The following HEATR5A variants were observed in gnomAD, a reference collection of about 807,000 sequenced individuals.
HEATR5A encodes the protein HEAT repeat containing 5A.
HEATR5A carries 178 observed loss-of-function variants against 218.8 expected under a neutral mutation model. The observed-to-expected ratio is 0.81, with a 90% confidence interval of 0.72 to 0.92. HEATR5A has a LOEUF of 0.92. Ranked by LOEUF, HEATR5A falls within the 40% of genes least tolerant of loss-of-function variation. The pLI is 0.00. For missense variants in HEATR5A, 2,420 were observed against 2,418.9 expected, an observed-to-expected ratio of 1.00 and a Z score of -0.01; for synonymous variants, 864 against 871.6, an observed-to-expected ratio of 0.99 and a Z score of 0.15.
In HEATR5A at chr14:31,293,748, TAATATC is replaced by T. The variant is rs1191342156; in HGVS notation, c.5833+137_5834-137del. 3 of 1,040,104 alleles carry T rather than the reference TAATATC, an allele frequency of 2.9e-6. No homozygotes were observed. In the African/African-American group the frequency reaches 4.9e-5, roughly 17 times the overall value. The allele number at this position is 1,040,104 out of a possible 1,614,324, so 64.4% of individuals were successfully genotyped here. On this transcript the variant is annotated intron_variant, in intron 35 of 35. Coordinates refer to ENST00000543095, the MANE Select transcript of HEATR5A (RefSeq NM_015473.4). ...CAATCTCTTCTAAATTAATACTAAA[TAATATC>T]AATACTTGGGATTAACATAACACCT...
chr14:31,295,024 G>A (rs1899133336), intron 34 of HEATR5A, among the ~76,000 whole-genome samples: 1 of 152,270 alleles, frequency 6.6e-6, no homozygotes, highest in Admixed American at 6.5e-5. Flanking sequence ...TGAGTTAACT[G>A]TAATGGTATT....
intron 9 of HEATR5A, among the ~76,000 whole-genome samples, chr14:31,384,400 T>G (rs2030120184): frequency 6.6e-6 from 1 of 150,568 alleles, no homozygotes; most frequent in African/African-American, 2.5e-5. Context: ...GCCAAGATTG[T>G]GCCACTGTAC....
At chr14:31,364,124 A>T (rs1328753922) in intron 14 of HEATR5A, 65 bp downstream of exon 14, 4 of 646,138 alleles carry the variant, frequency 6.2e-6, no homozygotes, top group Non-Finnish European at 1.1e-5. Flanking sequence ...ATGAGTGACA[A>T]TAACTATTGT....
chr14:31,330,718 G>A (rs1215462555), intron 22 of HEATR5A, among the ~76,000 whole-genome samples: 2 of 151,596 alleles, frequency 1.3e-5, no homozygotes, highest in African/African-American at 4.8e-5. Flanking sequence ...ATGAACCCAG[G>A]AGGCAGAGCT....
chr14:31,351,866 C>T (rs561094004), intron 16 of HEATR5A, among the ~76,000 whole-genome samples: 1 of 152,082 alleles, frequency 6.6e-6, no homozygotes, highest in Admixed American at 6.5e-5. Flanking sequence ...CCTCCAGCCT[C>T]GGCCTCTGAA....
At chr14:31,324,086 A>T (rs1426937413) in intron 23 of HEATR5A, among the ~76,000 whole-genome samples, 2 of 152,260 alleles carry the variant, frequency 1.3e-5, no homozygotes, top group East Asian at 1.9e-4. Context: ...AAAAATATTT[A>T]AAAAAACAAA....
chr14:31,375,574 G>T (rs994751402), intron 11 of HEATR5A, among the ~76,000 whole-genome samples: 1 of 151,972 alleles, frequency 6.6e-6, no homozygotes, highest in African/African-American at 2.4e-5. Flanking sequence ...GCTAATTTTT[G>T]TATTTTTTGG....
chr14:31,310,517 G>A (rs1595083876), intron 28 of HEATR5A, among the ~76,000 whole-genome samples: 1 of 152,302 alleles, frequency 6.6e-6, no homozygotes, highest in East Asian at 1.9e-4. Context: ...GTGCACGCCT[G>A]TAGTCCTAGC....
intron 33 of HEATR5A, among the ~76,000 whole-genome samples, chr14:31,302,069 T>A (rs1899400940): frequency 6.6e-6 from 1 of 151,888 alleles, no homozygotes; most frequent in Admixed American, 6.6e-5. Context: ...TGACCTCAGG[T>A]GATCCACCTG....
At position 31,293,975 on chromosome 14, in the gene HEATR5A, G is replaced by A. The variant is rs763370608; in HGVS notation, c.5749C>T (p.Pro1917Ser). 7 of 1,606,886 alleles carry A rather than the reference G, an allele frequency of 4.4e-6. No individual in the cohort carries two copies. The highest frequency in any genetic ancestry group is 3.3e-4 in the Middle Eastern group (2 of 6,050). The change falls in exon 35 of 36, where the codon CCT (proline) becomes TCT (serine). Residue 1917 changes from proline to serine, a missense_variant. By Grantham distance (74) the Pro-to-Ser change is moderately conservative (BLOSUM62 -1). Coordinates refer to ENST00000543095, the MANE Select transcript of HEATR5A (RefSeq NM_015473.4). The part of the protein sequence containing the change: ...EKLQEIDKRK[P>S]ENTAELEIFQ... The stretch of plus-strand genomic sequence containing the variant: ...ATCTCAAGCTCAGCAGTGTTTTCAG[G>A]TTTTCTCTTGTCTATTTCCTGCAGT...
intron 2 of HEATR5A, among the ~76,000 whole-genome samples, chr14:31,402,576 A>AATAGAAAGT (rs1258929508): frequency 1.1e-4 from 17 of 152,222 alleles, no homozygotes; most frequent in African/African-American, 4.1e-4. Flanking sequence ...AACGAAGTAT[A>AATAGAAAGT]ATAGAAAGTA....
At position 31,337,499 on chromosome 14, in the gene HEATR5A, T is replaced by C. The variant is rs1161323091; in HGVS notation, c.3344A>G (p.Asp1115Gly). The C allele has an allele frequency of 6.4e-7, 1 of 1,554,002 alleles. No individual in the cohort carries two copies. Among genetic ancestry groups the C allele is most frequent in the East Asian group, 2.4e-5 (1 of 41,260 alleles). Reference sequence around the variant, plus strand: ...ACCTGGAGTCAACTCTTCTCTGCTATCCTTAGCAAGCATAACAGCATGTTC... The same window carrying C: ...ACCTGGAGTCAACTCTTCTCTGCTACCCTTAGCAAGCATAACAGCATGTTC... Reference protein sequence around the residue: ...VSEHAVMLAKDSREELTPDAN... With the variant: ...VSEHAVMLAKGSREELTPDAN... The change falls in exon 22 of 36, where the codon GAT becomes GGT. Residue 1115 changes from aspartate (D) to glycine (G), a missense_variant. Coordinates refer to ENST00000543095, the MANE Select transcript of HEATR5A (RefSeq NM_015473.4).
At chr14:31,374,993 TG>T in intron 11 of HEATR5A, 25 bp from the exon 12 acceptor site, 1 of 1,571,316 alleles carries the variant, frequency 6.4e-7, no homozygotes, top group African/African-American at 1.4e-5. Flanking sequence ...ACTTGTCACT[TG>T]TAAGAGAATC....
intron 5 of HEATR5A, 81 bp downstream of exon 5, chr14:31,395,118 C>A: frequency 1.1e-6 from 1 of 919,386 alleles, no homozygotes. Context: ...GATCATGTAG[C>A]TTTTACTAAT....
intron 17 of HEATR5A, among the ~76,000 whole-genome samples, chr14:31,350,284 T>G (rs1012464986): frequency 1.3e-5 from 2 of 152,220 alleles, no homozygotes; most frequent in African/African-American, 4.8e-5. Flanking sequence ...GTCTATTATA[T>G]TTTACTGTAC....
At chr14:31,342,839 A>G (rs1900882703) in intron 21 of HEATR5A, among the ~76,000 whole-genome samples, 2 of 152,090 alleles carry the variant, frequency 1.3e-5, no homozygotes, top group Non-Finnish European at 2.9e-5. Flanking sequence ...CTACAAAAGT[A>G]GGGATAATCT....
In HEATR5A at chr14:31,293,618, A is replaced by G; in HGVS notation, c.5834-6T>C. Reference sequence around the variant, plus strand: ...ACAGGCCACCAGCTGAGCGCCTAGAAAGTAAACAAATAATATAAGTTCAGT... The same window carrying G: ...ACAGGCCACCAGCTGAGCGCCTAGAGAGTAAACAAATAATATAAGTTCAGT... On this transcript the variant is annotated splice_polypyrimidine_tract_variant and splice_region_variant and intron_variant, in intron 35 of 35. Coordinates refer to ENST00000543095, the MANE Select transcript of HEATR5A (RefSeq NM_015473.4). 6.3e-7 allele frequency: 1 copy of G among 1,589,670 alleles called. No individual in the cohort carries two copies. Among genetic ancestry groups the G allele is most frequent in the Non-Finnish European group, 8.5e-7 (1 of 1,171,508 alleles).
Position 31,358,668 on chromosome 14 carries a change from C to T in HEATR5A, c.2380G>A (p.Val794Ile). The change falls in exon 16 of 36, where the codon GTT becomes ATT. Residue 794 changes from valine (V) to isoleucine (I), a missense_variant. Transcript: ENST00000543095. ...VISSASKLFG[V>I]VCAHVGETQR... ...GTTTCTCCCACATGAGCGCATACAA[C>T]CCCAAAGAGCTTGGATGCAGAACTA... is the stretch of plus-strand genomic sequence containing the variant. 1 of 1,613,846 alleles carries T rather than the reference C, an allele frequency of 6.2e-7. No homozygotes were observed. The highest frequency in any genetic ancestry group is 8.5e-7 in the Non-Finnish European group (1 of 1,179,832).
intron 30 of HEATR5A, 108 bp downstream of exon 30, chr14:31,307,785 G>A: frequency 7.6e-7 from 1 of 1,312,428 alleles, no homozygotes; most frequent in Non-Finnish European, 1.0e-6. Flanking sequence ...GTATGGTTTA[G>A]AAAAAAAATT....
Sources: allele counts gnomAD v4.1 joint callset (sites outside exome capture counted in the v4.1 genomes callset), GRCh38; gene constraint gnomAD v4.1.1; transcripts MANE v1.5; gene names NCBI Gene and HGNC (gene_info 2026-07-23, HGNC 2026-07-21).